The following ABTB2 variants were observed in gnomAD, a reference collection of about 807,000 sequenced individuals.
The protein encoded by ABTB2 is ankyrin repeat and BTB/POZ domain-containing protein 2.
Under a neutral mutation model 104.1 loss-of-function variants are expected in ABTB2, and 56 were observed. That is an observed-to-expected ratio of 0.54 (90% CI 0.43 to 0.67). The LOEUF is 0.67. Ranked by LOEUF, ABTB2 falls within the 30% of genes least tolerant of loss-of-function variation. The probability of loss-of-function intolerance (pLI) is 0.00; values close to 1 mark genes in which losing one functional copy is unlikely to be tolerated. For missense variants in ABTB2, 1,279 were observed against 1,407.7 expected, an observed-to-expected ratio of 0.91 and a Z score of 1.46; for synonymous variants, 606 against 608.2, an observed-to-expected ratio of 1.00 and a Z score of 0.05.
chr11:34,298,463 T>A (rs1415567714), intron 1 of ABTB2, among the ~76,000 whole-genome samples: 3 of 149,794 alleles, frequency 2.0e-5, no homozygotes, highest in Non-Finnish European at 3.0e-5. Context: ...TTAAAAAAAT[T>A]AAAAAAAAAA....
intron 1 of ABTB2, among the ~76,000 whole-genome samples, chr11:34,223,850 G>T (rs561995896): frequency 6.8e-4 from 103 of 152,252 alleles, no homozygotes; most frequent in African/African-American, 2.4e-3. Context: ...CCTTATTTCT[G>T]TCTTTTTGCA....
intron 3 of ABTB2, among the ~76,000 whole-genome samples, chr11:34,190,370 A>G (rs2955941): frequency 1 from 151,801 of 152,166 alleles, 75,719 homozygotes; most frequent in Middle Eastern, 1. Context: ...ATCCAGGCAG[A>G]CTTCAGAGCC....
At chr11:34,175,482 A>G (rs1852949168) in intron 3 of ABTB2, among the ~76,000 whole-genome samples, 1 of 152,260 alleles carries the variant, frequency 6.6e-6, no homozygotes, top group African/African-American at 2.4e-5. Flanking sequence ...GTGAAACAGA[A>G]TTGTTGTGTG....
intron 1 of ABTB2, among the ~76,000 whole-genome samples, chr11:34,269,858 A>C (rs907601831): frequency 2.0e-5 from 3 of 151,940 alleles, no homozygotes; most frequent in Non-Finnish European, 4.4e-5. Flanking sequence ...TTTCAATACA[A>C]CTCCACAGTT....
chr11:34,295,771 T>C (rs1013896308), intron 1 of ABTB2, among the ~76,000 whole-genome samples: 9 of 152,132 alleles, frequency 5.9e-5, no homozygotes, highest in Admixed American at 5.2e-4. Context: ...CTCTTCTGGG[T>C]TGCAGACTGC....
At chr11:34,299,351 G>A (rs570142771) in intron 1 of ABTB2, among the ~76,000 whole-genome samples, 1 of 152,010 alleles carries the variant, frequency 6.6e-6, no homozygotes. Context: ...CAAATTGATG[G>A]TTTTTTTTAA....
At chr11:34,168,039 A>G (rs753098135) in intron 5 of ABTB2, 47 bp from the exon 6 acceptor site, 1 of 1,575,332 alleles carries the variant, frequency 6.3e-7, no homozygotes, top group Non-Finnish European at 8.7e-7. Flanking sequence ...AACAGAACAC[A>G]ACACCATGTG....
intron 1 of ABTB2, among the ~76,000 whole-genome samples, chr11:34,213,432 A>G (rs1006211428): frequency 1.3e-5 from 2 of 152,190 alleles, no homozygotes; most frequent in Admixed American, 1.3e-4. Context: ...GTGAGCCGAG[A>G]TCGCTGCCAC....
chr11:34,283,686 A>C (rs989505629), intron 1 of ABTB2, among the ~76,000 whole-genome samples: 4 of 152,250 alleles, frequency 2.6e-5, no homozygotes, highest in Non-Finnish European at 4.4e-5. Context: ...GCCAGCCAGC[A>C]TAGAGGGTAG....
chr11:34,353,274 G>A (rs1324314367), intron 1 of ABTB2, among the ~76,000 whole-genome samples: 1 of 151,994 alleles, frequency 6.6e-6, no homozygotes, highest in Non-Finnish European at 1.5e-5. Context: ...AAATGCCACA[G>A]ACACTCACAA....
intron 13 of ABTB2, 44 bp downstream of exon 13, chr11:34,159,862 T>A: frequency 6.7e-7 from 1 of 1,487,936 alleles, no homozygotes; most frequent in Non-Finnish European, 9.4e-7. Flanking sequence ...AACAAGGTGC[T>A]TCTGTGCCCC....
chr11:34,339,679 G>A (rs1248391074), intron 1 of ABTB2, among the ~76,000 whole-genome samples: 2 of 152,082 alleles, frequency 1.3e-5, no homozygotes, highest in Non-Finnish European at 2.9e-5. Context: ...ATTTCTCGGT[G>A]CCATTTGGAT....
intron 1 of ABTB2, among the ~76,000 whole-genome samples, chr11:34,329,071 C>G (rs1317075310): frequency 6.6e-6 from 1 of 152,210 alleles, no homozygotes; most frequent in Non-Finnish European, 1.5e-5. Flanking sequence ...AGCCTGCAAG[C>G]TATTCAGCAC....
At chr11:34,189,701 C>T (rs1853148074) in intron 3 of ABTB2, among the ~76,000 whole-genome samples, 1 of 151,816 alleles carries the variant, frequency 6.6e-6, no homozygotes, top group Non-Finnish European at 1.5e-5. Context: ...TTCTATGACT[C>T]TTGCTGCCCA....
At chr11:34,344,267 A>G (rs1222304807) in intron 1 of ABTB2, among the ~76,000 whole-genome samples, 2 of 152,214 alleles carry the variant, frequency 1.3e-5, no homozygotes, top group Non-Finnish European at 2.9e-5. Flanking sequence ...AGAGTTGATG[A>G]TCTTTATTAA....
At chr11:34,158,585 G>T (rs1233304354) in intron 14 of ABTB2, among the ~76,000 whole-genome samples, 1 of 152,312 alleles carries the variant, frequency 6.6e-6, no homozygotes, top group East Asian at 1.9e-4. Flanking sequence ...AGCTCTTGCA[G>T]CCCTGAGCCC....
chr11:34,275,661 G>A (rs1301274002), intron 1 of ABTB2, among the ~76,000 whole-genome samples: 2 of 152,116 alleles, frequency 1.3e-5, no homozygotes, highest in African/African-American at 4.8e-5. Context: ...TGCTTCCCTC[G>A]AGATCATTTT....
Position 34,356,615 on chromosome 11 carries a change from T to C in ABTB2, c.883+86A>G. 5 of 1,440,844 alleles carry C rather than the reference T, an allele frequency of 3.5e-6. No individual in the cohort carries two copies. In the South Asian group the frequency reaches 7.3e-5, roughly 21 times the overall value. The allele number at this position is 1,440,844 out of a possible 1,614,324, so 89.3% of individuals were successfully genotyped here. A position where few individuals can be genotyped will look rare whatever the true frequency, so the allele number is the denominator to read the frequency against. ...CCAAAGAACTGGCACAGCCACCAGC[T>C]TTGTCTCAGGAAATTCACTCCCCCA... On this transcript the variant is annotated intron_variant, in intron 1 of 16. Coordinates refer to ENST00000435224, the MANE Select transcript of ABTB2 (RefSeq NM_145804.3). This position sits in a 1 kb window ranked among gnomAD's most constrained non-coding sequence, Gnocchi z 4.6.
At chr11:34,250,610 G>C (rs1458096104) in intron 1 of ABTB2, among the ~76,000 whole-genome samples, 5 of 152,206 alleles carry the variant, frequency 3.3e-5, no homozygotes, top group Non-Finnish European at 7.3e-5. Flanking sequence ...GAGGAGCGAT[G>C]CATGTGGAAA....
Sources: allele counts gnomAD v4.1 joint callset (sites outside exome capture counted in the v4.1 genomes callset), GRCh38; gene constraint gnomAD v4.1.1; non-coding constraint Gnocchi (gnomAD v3.1); transcripts MANE v1.5; gene names NCBI Gene and HGNC (gene_info 2026-07-23, HGNC 2026-07-21).